Variants in PAM observed in about 807,000 individuals in gnomAD.
PAM encodes the protein peptidylglycine alpha-amidating monooxygenase, also known as peptidyl-glycine alpha-amidating monooxygenase.
Under a neutral mutation model 122.1 loss-of-function variants are expected in PAM, and 72 were observed. The ratio of observed to expected loss-of-function variants is 0.59; its 90% CI spans 0.49 to 0.72. The LOEUF is 0.72. PAM is among the 30% of genes least tolerant of loss of function. PAM has a pLI of 0.00. For missense variants in PAM, 1,106 were observed against 1,183.7 expected, an observed-to-expected ratio of 0.93 and a Z score of 0.96; for synonymous variants, 389 against 404.4, an observed-to-expected ratio of 0.96 and a Z score of 0.46.
intron 3 of PAM, among the ~76,000 whole-genome samples, chr5:102,897,058 T>G (rs1170457811): frequency 6.6e-6 from 1 of 151,584 alleles, no homozygotes; most frequent in Non-Finnish European, 1.5e-5. Flanking sequence ...AAAAATAATT[T>G]TCCAATTATT....
chr5:102,778,121 T>C (rs892356859), intron 1 of PAM, among the ~76,000 whole-genome samples: 49 of 152,258 alleles, frequency 3.2e-4, no homozygotes, highest in African/African-American at 1.1e-3. Context: ...GCCTGCACCA[T>C]AGAGAATTAA....
chr5:102,879,171 C>G (rs906365904), intron 3 of PAM, among the ~76,000 whole-genome samples: 2 of 152,164 alleles, frequency 1.3e-5, no homozygotes, highest in Non-Finnish European at 2.9e-5. Context: ...ACCTCGTGAT[C>G]TGCCCGCTTC....
intron 1 of PAM, among the ~76,000 whole-genome samples, chr5:102,775,630 G>A (rs1017146834): frequency 5.9e-5 from 9 of 152,062 alleles, no homozygotes; most frequent in African/African-American, 2.2e-4. Context: ...TGAGGATAAT[G>A]GCTTCCAGCT....
chr5:102,864,288 G>T (rs537866240), intron 1 of PAM, among the ~76,000 whole-genome samples: 347 of 150,598 alleles, frequency 2.3e-3, no homozygotes, highest in Admixed American at 4.4e-3. Flanking sequence ...CCTGCCAATT[G>T]TTTCTCTTCC....
chr5:102,822,829 T>C (rs186465256), intron 1 of PAM, among the ~76,000 whole-genome samples: 1 of 152,226 alleles, frequency 6.6e-6, no homozygotes, highest in East Asian at 1.9e-4. Flanking sequence ...GCCAACTTTG[T>C]AGAGCAGAGT....
intron 16 of PAM, among the ~76,000 whole-genome samples, chr5:103,001,525 A>T (rs1156864381): frequency 6.6e-6 from 1 of 152,120 alleles, no homozygotes; most frequent in Non-Finnish European, 1.5e-5. Flanking sequence ...TATAAAGAGT[A>T]TTACTGAAGT....
At chr5:102,767,811 A>G (rs150345841) in intron 1 of PAM, among the ~76,000 whole-genome samples, 5 of 152,316 alleles carry the variant, frequency 3.3e-5, no homozygotes, top group Non-Finnish European at 5.9e-5. Flanking sequence ...AAGAAGACAT[A>G]TTAGATTTCA....
intron 4 of PAM, among the ~76,000 whole-genome samples, chr5:102,905,221 G>C (rs957154443): frequency 6.6e-6 from 1 of 151,530 alleles, no homozygotes; most frequent in Non-Finnish European, 1.5e-5. Flanking sequence ...AGCGGAATTG[G>C]CTCTGACAGC....
At chr5:102,981,728 C>A (rs1769953364) in intron 15 of PAM, among the ~76,000 whole-genome samples, 1 of 152,096 alleles carries the variant, frequency 6.6e-6, no homozygotes, top group African/African-American at 2.4e-5. Context: ...GCTTTGAGTT[C>A]CCCTTGGAGC....
chr5:102,774,265 T>G (rs1756566599), intron 1 of PAM, among the ~76,000 whole-genome samples: 1 of 152,132 alleles, frequency 6.6e-6, no homozygotes. Flanking sequence ...TAGTTCTGCT[T>G]TTAGCTCATT....
At chr5:102,797,513 G>C (rs971799463) in intron 1 of PAM, among the ~76,000 whole-genome samples, 3 of 152,112 alleles carry the variant, frequency 2.0e-5, no homozygotes, top group Non-Finnish European at 4.4e-5. Flanking sequence ...TCGACCTGCT[G>C]TAGCAGTATA....
intron 3 of PAM, among the ~76,000 whole-genome samples, chr5:102,875,317 T>C (rs1032096026): frequency 1.3e-5 from 2 of 152,014 alleles, no homozygotes; most frequent in Non-Finnish European, 2.9e-5. Flanking sequence ...CTCAGCCTCC[T>C]GAGTAGCTGG....
intron 1 of PAM, among the ~76,000 whole-genome samples, chr5:102,780,769 TTCTTTCTTTC>T (rs1758605382): frequency 7.8e-5 from 7 of 89,676 alleles, no homozygotes; most frequent in Non-Finnish European, 2.4e-5. Flanking sequence ...CTTTCTTTCT[TTCTTTCTTTC>T]TTTCTTTCTT....
At chr5:102,800,241 A>G (rs1030090342) in intron 1 of PAM, among the ~76,000 whole-genome samples, 5 of 152,104 alleles carry the variant, frequency 3.3e-5, no homozygotes, top group Non-Finnish European at 7.4e-5. Flanking sequence ...CCTTCCCCTT[A>G]TTCAAATGTC....
chr5:102,807,052 A>C (rs1195184350), intron 1 of PAM, among the ~76,000 whole-genome samples: 2 of 152,214 alleles, frequency 1.3e-5, no homozygotes, highest in Non-Finnish European at 2.9e-5. Context: ...CGGAATGACA[A>C]CCTTCATTTT....
chr5:102,906,165 T>C (rs1799479066), intron 4 of PAM, among the ~76,000 whole-genome samples: 1 of 151,724 alleles, frequency 6.6e-6, no homozygotes, highest in African/African-American at 2.4e-5. Context: ...GAGAGATGAA[T>C]AGGAGCCATT....
Position 102,832,704 on chromosome 5 carries a change from A to AAT in PAM, c.-373-33105_-373-33104dup, listed in dbSNP as rs541606258. On this transcript the variant is annotated intron_variant, in intron 1 of 25. Coordinates refer to ENST00000438793, the MANE Select transcript of PAM (RefSeq NM_001177306.2). ...GCTGTACTGCCCTTTATTTTGTAAT[A>AAT]ATATATATATATATAACTTTCCTGA... Among the ~76,000 whole-genome samples the AAT allele has an allele frequency of 4.0e-3, 608 of 150,896 alleles. 5 individuals carry two copies. Among genetic ancestry groups the AAT allele is most frequent in the African/African-American group, 0.012 (494 of 41,276 alleles).
chr5:102,886,842 G>A (rs1793268825), intron 3 of PAM, among the ~76,000 whole-genome samples: 1 of 152,032 alleles, frequency 6.6e-6, no homozygotes, highest in African/African-American at 2.4e-5. Context: ...TGTTTGCACA[G>A]TATTCTGTAT....
intron 12 of PAM, among the ~76,000 whole-genome samples, chr5:102,952,961 A>T (rs982325278): frequency 6.6e-6 from 1 of 152,096 alleles, no homozygotes; most frequent in Non-Finnish European, 1.5e-5. Context: ...ATCACACTTA[A>T]CTAAGGATAG....
Sources: allele counts gnomAD v4.1 joint callset (sites outside exome capture counted in the v4.1 genomes callset), GRCh38; gene constraint gnomAD v4.1.1; transcripts MANE v1.5; gene names NCBI Gene and HGNC (gene_info 2026-07-23, HGNC 2026-07-21).